INA: variants seen among roughly 807,000 people sequenced by gnomAD.
INA encodes the protein internexin neuronal intermediate filament protein alpha.
Under a neutral mutation model 40.1 loss-of-function variants are expected in INA, and 35 were observed. The ratio of observed to expected loss-of-function variants is 0.87; its 90% CI spans 0.67 to 1.16. The LOEUF is 1.16. Ranked by LOEUF, INA falls within the 50% of genes most tolerant of loss-of-function variation. The probability of loss-of-function intolerance (pLI) is 0.00; values close to 1 mark genes in which losing one functional copy is unlikely to be tolerated. For synonymous variants in INA, 290 were observed against 316.9 expected, an observed-to-expected ratio of 0.92 and a Z score of 0.90; for missense variants, 594 against 686.7, an observed-to-expected ratio of 0.87 and a Z score of 1.51.
At position 103,278,971 on chromosome 10, in the gene INA, G is replaced by C. The variant is rs1393135206; in HGVS notation, c.1065+695G>C. Reference sequence around the variant, plus strand: ...CCACCAGCTGACATTTCCTCCTTAAGAAAGCGTTCGCCGGTTGGCAAAACG... The same window carrying C: ...CCACCAGCTGACATTTCCTCCTTAACAAAGCGTTCGCCGGTTGGCAAAACG... On this transcript the variant is annotated intron_variant, in intron 1 of 2. Transcript: ENST00000369849. This position sits in a 1 kb window ranked among gnomAD's most constrained non-coding sequence, Gnocchi z 4.9. 2.0e-5 allele frequency among the ~76,000 whole-genome samples: 3 copies of C among 149,856 alleles called. No homozygotes were observed. Among genetic ancestry groups the C allele is most frequent in the Non-Finnish European group, 3.0e-5 (2 of 67,694 alleles).
rs746490997 is a variant in INA, at chr10:103,277,368, G to T, written c.157G>T (p.Ala53Ser). Residue 53 changes from alanine to serine, a missense_variant, in exon 1 of 3, where the codon GCC becomes TCC. Physicochemically the swap from Ala to Ser is moderately conservative, Grantham distance 99. Transcript: ENST00000369849. The surrounding 1 kb of genome is among the most constrained non-coding windows in gnomAD (Gnocchi z 5.6). Reference sequence around the variant, plus strand: ...CCGCAGCAATGTGGCCTCCTCGGCCGCCTGCTCCTCGGCCTCGTCGCTCGG... The same window carrying T: ...CCGCAGCAATGTGGCCTCCTCGGCCTCCTGCTCCTCGGCCTCGTCGCTCGG... The part of the protein sequence containing the change: ...LSRSNVASSA[A>S]CSSASSLGLG... 75 of 1,566,436 alleles carry T rather than the reference G, an allele frequency of 4.8e-5. No homozygotes were observed. In the Admixed American group the frequency reaches 1.3e-3, roughly 27 times the overall value.
chr10:103,286,584 G>A (rs952064456), intron 1 of INA, among the ~76,000 whole-genome samples: 1 of 151,824 alleles, frequency 6.6e-6, no homozygotes, highest in African/African-American at 2.4e-5. Flanking sequence ...TTCCACATTC[G>A]GAATTTTCTG....
chr10:103,280,569 T>C, intron 1 of INA: 2 of 985,438 alleles, frequency 2.0e-6, no homozygotes, highest in Non-Finnish European at 2.4e-6. Flanking sequence ...TTTTCAAACT[T>C]GGCACCCTCT....
At position 103,288,430 on chromosome 10, in the gene INA, C is replaced by T. The variant is rs867536685; in HGVS notation, c.1261C>T (p.Pro421Ser). 3 of 1,613,794 alleles carry T rather than the reference C, an allele frequency of 1.9e-6. No individual in the cohort carries two copies. Among genetic ancestry groups the T allele is most frequent in the Non-Finnish European group, 2.5e-6 (3 of 1,179,948 alleles). ...AAGCATTTCGGGGCTGAATCCACTT[C>T]CCAATCCAAGTTACCTGCTCCCACC... The part of the protein sequence containing the change: ...GLSISGLNPL[P>S]NPSYLLPPRI... The change falls in exon 3 of 3, where the codon CCC becomes TCC. Residue 421 changes from proline (P) to serine (S), a missense_variant. Pro to Ser is a moderately conservative substitution (Grantham distance 74, BLOSUM62 -1). This residue lies in a region of INA where 379 missense variants were observed against 496.1 expected (regional missense o/e 0.76). Transcript: ENST00000369849.
At position 103,278,903 on chromosome 10, in the gene INA, G is replaced by GCA. The variant is rs369168949; in HGVS notation, c.1065+657_1065+658dup. On this transcript the variant is annotated intron_variant, in intron 1 of 2. Coordinates refer to ENST00000369849, the MANE Select transcript of INA (RefSeq NM_032727.4). The surrounding 1 kb of genome is among the most constrained non-coding windows in gnomAD (Gnocchi z 4.9). ...ACACACACGATTCCCTTGTCCACCA[G>GCA]CACACACACACACACACACACACAC... Among the ~76,000 whole-genome samples, 11,795 of 136,766 alleles carry GCA rather than the reference G, an allele frequency of 0.086. 640 individuals carry two copies. The highest frequency in any genetic ancestry group is 0.17 in the East Asian group (790 of 4,642). 89.7% of individuals were successfully genotyped at this position (136,766 alleles called of 152,430 possible). A position where few individuals can be genotyped will look rare whatever the true frequency, so the allele number is the denominator to read the frequency against.
chr10:103,282,551 C>T (rs2093074941), intron 1 of INA, among the ~76,000 whole-genome samples: 1 of 152,146 alleles, frequency 6.6e-6, no homozygotes, highest in African/African-American at 2.4e-5. Context: ...AAACACCGCA[C>T]TTTGGGGCCA....
chr10:103,279,815 C>A, intron 1 of INA: 1 of 530,466 alleles, frequency 1.9e-6, no homozygotes, highest in Non-Finnish European at 3.0e-6. Flanking sequence ...ATTGCATTAT[C>A]ATTCAAATAA....
intron 1 of INA, among the ~76,000 whole-genome samples, chr10:103,279,034 G>A (rs996152186): frequency 2.0e-5 from 3 of 152,046 alleles, no homozygotes; most frequent in Non-Finnish European, 4.4e-5. Flanking sequence ...CTGATCTCGA[G>A]TTCTTCCCAT....
chr10:103,285,017 CTTG>C (rs1356250093), intron 1 of INA, among the ~76,000 whole-genome samples: 1 of 151,750 alleles, frequency 6.6e-6, no homozygotes, highest in Non-Finnish European at 1.5e-5. Flanking sequence ...GAGTTTCATT[CTTG>C]TTGTCCAGGC....
intron 1 of INA, among the ~76,000 whole-genome samples, chr10:103,281,886 A>T (rs1281379069): frequency 2.0e-5 from 3 of 152,224 alleles, no homozygotes; most frequent in Non-Finnish European, 4.4e-5. Context: ...TAGCTCCTCC[A>T]GGAGAGACCC....
rs750994079 is a variant in INA, at chr10:103,288,691, A to C, written c.*22A>C. 2.0e-6 allele frequency: 3 copies of C among 1,466,740 alleles called. No homozygotes were observed. Among genetic ancestry groups the C allele is most frequent in the Non-Finnish European group, 2.8e-6 (3 of 1,081,020 alleles). The allele number at this position is 1,466,740 out of a possible 1,614,324, so 90.9% of individuals were successfully genotyped here. The stretch of plus-strand genomic sequence containing the variant: ...ATAATTCCATTGCTTTGAAAAAGTT[A>C]ATGCTTAAGAGGGAATGATATGCAT... On this transcript the variant is annotated 3_prime_UTR_variant, in exon 3 of 3. Coordinates refer to ENST00000369849, the MANE Select transcript of INA (RefSeq NM_032727.4).
At position 103,277,890 on chromosome 10, in the gene INA, G is replaced by C; in HGVS notation, c.679G>C (p.Val227Leu). ...GTCGCTGCTGGACGAGCTGGCCTTCGTACGCCAGGTGCACGACGAGGAGGT... is the reference window on the plus strand; with the variant it reads ...GTCGCTGCTGGACGAGCTGGCCTTCCTACGCCAGGTGCACGACGAGGAGGT... ...VESLLDELAF[V>L]RQVHDEEVAE... Residue 227 changes from valine (V) to leucine (L), a missense_variant, in exon 1 of 3, where the codon GTA becomes CTA. Val to Leu is a conservative substitution (Grantham distance 32, BLOSUM62 1). Transcript: ENST00000369849. This position sits in a 1 kb window ranked among gnomAD's most constrained non-coding sequence, Gnocchi z 5.6. 2 of 1,550,258 alleles carry C rather than the reference G, an allele frequency of 1.3e-6. No individual in the cohort carries two copies. The highest frequency in any genetic ancestry group is 2.0e-5 in the Admixed American group (1 of 51,014).
At chr10:103,285,043 G>A (rs542042806) in intron 1 of INA, among the ~76,000 whole-genome samples, 1 of 152,114 alleles carries the variant, frequency 6.6e-6, no homozygotes, top group South Asian at 2.1e-4. Context: ...GAGTGCAATG[G>A]CACGATCTCG....
intron 1 of INA, among the ~76,000 whole-genome samples, chr10:103,286,427 G>A (rs903070976): frequency 3.3e-5 from 5 of 151,140 alleles, no homozygotes; most frequent in African/African-American, 7.3e-5. Context: ...TCCATGCCTC[G>A]GTGTTTTAAA....
At chr10:103,284,850 A>G (rs987528522) in intron 1 of INA, among the ~76,000 whole-genome samples, 2 of 152,142 alleles carry the variant, frequency 1.3e-5, no homozygotes, top group Admixed American at 6.5e-5. Flanking sequence ...TAATTTGCAC[A>G]AGGTTCCTGC....
At chr10:103,279,190 G>A (rs757818142) in intron 1 of INA, among the ~76,000 whole-genome samples, 3 of 152,018 alleles carry the variant, frequency 2.0e-5, no homozygotes, top group Non-Finnish European at 4.4e-5. Context: ...CATCAGTTTT[G>A]GCTTTCATGG....
intron 2 of INA, among the ~76,000 whole-genome samples, chr10:103,287,901 C>A (rs969275990): frequency 6.6e-6 from 1 of 152,040 alleles, no homozygotes; most frequent in African/African-American, 2.4e-5. Context: ...CCCTTTGTAC[C>A]CGTATACACT....
chr10:103,286,483 T>C (rs1303003780), intron 1 of INA, among the ~76,000 whole-genome samples: 1 of 152,000 alleles, frequency 6.6e-6, no homozygotes, highest in Non-Finnish European at 1.5e-5. Context: ...TAATGTAAAA[T>C]GCTCTCAGTA....
At chr10:103,279,856 C>A in intron 1 of INA, 1 of 981,972 alleles carries the variant, frequency 1.0e-6, no homozygotes, top group Non-Finnish European at 1.4e-6. Context: ...AAATCCATAA[C>A]TTGAACTTTT....
Sources: allele counts gnomAD v4.1 joint callset (sites outside exome capture counted in the v4.1 genomes callset), GRCh38; gene constraint gnomAD v4.1.1; regional missense constraint gnomAD v4.1.1; non-coding constraint Gnocchi (gnomAD v3.1); transcripts MANE v1.5; gene names NCBI Gene and HGNC (gene_info 2026-07-23, HGNC 2026-07-21).